EML5: variants seen among roughly 807,000 people sequenced by gnomAD.
The protein encoded by EML5 is EMAP like 5.
Under a neutral mutation model 250.0 loss-of-function variants are expected in EML5, and 120 were observed. The observed-to-expected ratio is 0.48, with a 90% CI of 0.41 to 0.56. The LOEUF is 0.56. Among genes scored for constraint, EML5 ranks in the 20% least tolerant of loss-of-function variants. The pLI is 0.00. For synonymous variants in EML5, 771 were observed against 806.5 expected (o/e 0.96, Z 0.75); for missense variants, 2,006 against 2,437.6 (o/e 0.82, Z 3.73).
intron 21 of EML5, among the ~76,000 whole-genome samples, chr14:88,668,922 T>G (rs1354543236): frequency 1.8e-3 from 136 of 77,532 alleles, no homozygotes; most frequent in Admixed American, 2.6e-3. Flanking sequence ...GGTCAGAGGC[T>G]CCCACCAAGA....
rs184058481 is a variant in EML5, at chr14:88,664,041, G to A, written c.3409+452C>T. Reference sequence around the variant, plus strand: ...GCCTATAATCACAGCACTTTGGGATGCCAAGGTGGGAGGACTGCTTGAGTC... The same window carrying A: ...GCCTATAATCACAGCACTTTGGGATACCAAGGTGGGAGGACTGCTTGAGTC... On this transcript the variant is annotated intron_variant, in intron 23 of 43. Transcript: ENST00000554922. Among the ~76,000 whole-genome samples, 220 of 152,004 alleles carry A rather than the reference G, an allele frequency of 1.4e-3. 1 individual carries two copies. Among genetic ancestry groups the A allele is most frequent in the African/African-American group, 4.3e-3 (179 of 41,502 alleles).
chr14:88,728,875 T>A (rs1003963120), intron 7 of EML5, among the ~76,000 whole-genome samples: 5 of 152,156 alleles, frequency 3.3e-5, no homozygotes, highest in African/African-American at 7.2e-5. Flanking sequence ...AAACAAAGGC[T>A]ACAATTTAAT....
At position 88,704,888 on chromosome 14, in the gene EML5, T is replaced by C. The variant is rs1376033219; in HGVS notation, c.2023A>G (p.Asn675Asp). 4 of 1,613,108 alleles carry C rather than the reference T, an allele frequency of 2.5e-6. No homozygotes were observed. In the South Asian group the frequency reaches 3.3e-5, roughly 13 times the overall value. The change falls in exon 13 of 44, where the codon AAT (asparagine) becomes GAT (aspartate). Residue 675 changes from asparagine to aspartate, a missense_variant. Transcript: ENST00000554922. ...TGAACAAAGTGTAATCGAATACTATTTCCTGGAGCCCGCTCTCTTCTTTTA... is the reference window on the plus strand; with the variant it reads ...TGAACAAAGTGTAATCGAATACTATCTCCTGGAGCCCGCTCTCTTCTTTTA... ...TSKRRERAPG[N>D]SIRLHFVHGY... is the part of the protein sequence containing the mutation.
chr14:88,782,953 C>T (rs2094511940), intron 1 of EML5, among the ~76,000 whole-genome samples: 1 of 152,096 alleles, frequency 6.6e-6, no homozygotes, highest in Non-Finnish European at 1.5e-5. Context: ...GTGGCACACA[C>T]CTGTAGTCCC....
intron 27 of EML5, among the ~76,000 whole-genome samples, chr14:88,656,089 C>G (rs1031434350): frequency 6.6e-6 from 1 of 152,116 alleles, no homozygotes; most frequent in African/African-American, 2.4e-5. Flanking sequence ...ACTAGAAATA[C>G]CATTTGACTC....
intron 1 of EML5, among the ~76,000 whole-genome samples, chr14:88,769,903 C>T (rs759382588): frequency 1.3e-5 from 2 of 151,600 alleles, no homozygotes; most frequent in Non-Finnish European, 2.9e-5. Flanking sequence ...GACACAAAGA[C>T]AGTTCAGAAT....
At chr14:88,766,767 G>A (rs554297445) in intron 1 of EML5, among the ~76,000 whole-genome samples, 1 of 152,174 alleles carries the variant, frequency 6.6e-6, no homozygotes, top group Admixed American at 6.5e-5. Context: ...AGCTTGAGGG[G>A]CATCACGGAA....
intron 1 of EML5, among the ~76,000 whole-genome samples, chr14:88,785,000 A>T (rs1288031526): frequency 6.6e-6 from 1 of 152,230 alleles, no homozygotes; most frequent in Non-Finnish European, 1.5e-5. Flanking sequence ...ACAATGGAGT[A>T]CTAGTCAGCC....
chr14:88,737,896 A>G (rs2093868589), intron 6 of EML5, among the ~76,000 whole-genome samples: 1 of 152,130 alleles, frequency 6.6e-6, no homozygotes, highest in South Asian at 2.1e-4. Context: ...TTTTCCTTTT[A>G]ATAATCTTTT....
chr14:88,766,364 T>C (rs2094320085), intron 1 of EML5, among the ~76,000 whole-genome samples: 1 of 152,134 alleles, frequency 6.6e-6, no homozygotes, highest in Non-Finnish European at 1.5e-5. Flanking sequence ...GCAAGGAACA[T>C]CCCTGAGAAA....
intron 8 of EML5, among the ~76,000 whole-genome samples, chr14:88,716,732 AACACACAC>A (rs58701181): frequency 5.4e-5 from 8 of 148,172 alleles, no homozygotes; most frequent in South Asian, 4.3e-4. Flanking sequence ...ACTGCTCACC[AACACACAC>A]ACACACACAC....
chr14:88,741,336 A>C (rs2093922662), intron 4 of EML5, among the ~76,000 whole-genome samples: 1 of 152,198 alleles, frequency 6.6e-6, no homozygotes, highest in Non-Finnish European at 1.5e-5. Context: ...ACTGCAGCTC[A>C]CTGTAACTAT....
chr14:88,705,039 T>C, intron 12 of EML5, 61 bp from the exon 13 acceptor site: 3 of 1,089,826 alleles, frequency 2.8e-6, no homozygotes, highest in Non-Finnish European at 4.0e-6. Context: ...GGTGTTCGTA[T>C]ACTCCCAATA....
At chr14:88,674,150 T>G (rs1246686952) in intron 21 of EML5, among the ~76,000 whole-genome samples, 1 of 152,126 alleles carries the variant, frequency 6.6e-6, no homozygotes, top group Non-Finnish European at 1.5e-5. Context: ...ATGTCTGTAA[T>G]CTCAGCTACT....
Position 88,792,559 on chromosome 14 carries a change from C to A in EML5, c.-56G>T. 1 of 1,214,192 alleles carries A rather than the reference C, an allele frequency of 8.2e-7. No individual in the cohort carries two copies. The highest frequency in any genetic ancestry group is 1.0e-6 in the Non-Finnish European group (1 of 971,834). 75.2% of individuals were successfully genotyped at this position (1,214,192 alleles called of 1,614,324 possible). A position where few individuals can be genotyped will look rare whatever the true frequency, so the allele number is the denominator to read the frequency against. On this transcript the variant is annotated 5_prime_UTR_variant, in exon 1 of 44. Transcript: ENST00000554922. The surrounding 1 kb of genome is among the most constrained non-coding windows in gnomAD (Gnocchi z 6.9). ...GGCCCGCGGCGGCGACGGGAGGCGGCGGCGGCCCGGCAACGAAAGCCCTCC... is the reference window on the plus strand; with the variant it reads ...GGCCCGCGGCGGCGACGGGAGGCGGAGGCGGCCCGGCAACGAAAGCCCTCC...
chr14:88,618,031 T>C (rs533711084), intron 41 of EML5, 197 bp downstream of exon 41: 1 of 373,516 alleles, frequency 2.7e-6, no homozygotes, highest in Non-Finnish European at 4.7e-6. Flanking sequence ...ACTTGATAAA[T>C]CATGGAAACT....
In EML5 at chr14:88,792,841, C is replaced by T; in HGVS notation, c.-338G>A. ...GGCCCGCCTCCAGCTCCTCAGCCGC[C>T]GCCCGCGCACGCAGCTCCCAGCCCC... is the stretch of plus-strand genomic sequence containing the variant. On this transcript the variant is annotated 5_prime_UTR_variant, in exon 1 of 44. Transcript: ENST00000554922. This position sits in a 1 kb window ranked among gnomAD's most constrained non-coding sequence, Gnocchi z 6.9. 1 of 664,016 alleles carries T rather than the reference C, an allele frequency of 1.5e-6. No individual in the cohort carries two copies. The highest frequency in any genetic ancestry group is 1.9e-6 in the Non-Finnish European group (1 of 534,856). The allele number at this position is 664,016 out of a possible 1,614,324, so 41.1% of individuals were successfully genotyped here. A position where few individuals can be genotyped will look rare whatever the true frequency, so the allele number is the denominator to read the frequency against.
chr14:88,660,417 C>A (rs2092044650), intron 25 of EML5, among the ~76,000 whole-genome samples: 2 of 152,094 alleles, frequency 1.3e-5, no homozygotes, highest in South Asian at 2.1e-4. Flanking sequence ...AGTACTTGCA[C>A]AGCACACATT....
intron 25 of EML5, among the ~76,000 whole-genome samples, chr14:88,658,903 G>A (rs2091967636): frequency 6.6e-6 from 1 of 152,134 alleles, no homozygotes; most frequent in Non-Finnish European, 1.5e-5. Context: ...GGATACACAT[G>A]CCTATGTACA....
Sources: allele counts gnomAD v4.1 joint callset (sites outside exome capture counted in the v4.1 genomes callset), GRCh38; gene constraint gnomAD v4.1.1; non-coding constraint Gnocchi (gnomAD v3.1); transcripts MANE v1.5; gene names NCBI Gene and HGNC (gene_info 2026-07-23, HGNC 2026-07-21).